FSCN3: variants seen among roughly 807,000 people sequenced by gnomAD.
FSCN3 encodes the protein fascin-3.
A neutral mutation model predicts 53.5 loss-of-function variants in FSCN3; 43 were observed. The observed-to-expected ratio is 0.80, with a 90% CI of 0.63 to 1.04. The LOEUF is 1.04. FSCN3 is among the 50% of genes least tolerant of loss of function. The pLI, the probability that FSCN3 is intolerant of heterozygous loss-of-function variation, is 0.00. For missense variants in FSCN3, 594 were observed against 646.5 expected (o/e 0.92, Z 0.88); for synonymous variants, 235 against 246.6 (o/e 0.95, Z 0.44).
chr7:127,595,842 T>A lies in FSCN3; in HGVS notation c.680T>A (p.Leu227Gln). The A allele has an allele frequency of 6.2e-7, 1 of 1,613,744 alleles. No homozygotes were observed. Among genetic ancestry groups the A allele is most frequent in the East Asian group, 2.2e-5 (1 of 44,876 alleles). ...MQVRPGGLVALCDGEGGMLYP... is the reference protein window; with the variant it reads ...MQVRPGGLVAQCDGEGGMLYP... ...GTGCGGCCTGGAGGGCTTGTGGCAC[T>A]GTGTGATGGAGAAGGAGGCATGTTA... Residue 227 changes from leucine (L) to glutamine (Q), a missense_variant, in exon 2 of 7, where the codon CTG becomes CAG. By Grantham distance (113) the Leu-to-Gln change is moderately radical. Transcript: ENST00000265825.
intron 1 of FSCN3, chr7:127,594,835 A>G (rs983388030): frequency 6.4e-6 from 3 of 472,080 alleles, no homozygotes; most frequent in South Asian, 1.5e-5. Flanking sequence ...TCCCATCTTC[A>G]TCCCTGGAGC....
Position 127,595,308 on chromosome 7 carries a change from CCTGGGAGATCTTGGT to C in FSCN3, c.147_161del (p.Trp50_Val54del). On this transcript the variant is annotated inframe_deletion and splice_region_variant, in exon 2 of 7. Transcript: ENST00000265825. ...TCTTCTCCCTCCTGATGCCTCCAGA[CCTGGGAGATCTTGGT>C]GAGCAATGAGCATGAGACACAGGCC... 1.2e-6 allele frequency: 2 copies of C among 1,607,676 alleles called. No individual in the cohort carries two copies. Among genetic ancestry groups the C allele is most frequent in the Non-Finnish European group, 1.7e-6 (2 of 1,176,090 alleles).
In FSCN3 at chr7:127,598,566, C is replaced by T; in HGVS notation, c.1092C>T (p.Ser364=). ...RGRFLGIAPN[S]LLMANVILPG... The stretch of plus-strand genomic sequence containing the variant: ...GCTTCCTGGGCATTGCACCCAACAG[C>T]CTGCTGATGGCCAATGTCATCCTTC... Residue 364 remains serine, a synonymous_variant, in exon 4 of 7, where the codon AGC becomes AGT. Transcript: ENST00000265825. 1 of 1,612,216 alleles carries T rather than the reference C, an allele frequency of 6.2e-7. No homozygotes were observed. The highest frequency in any genetic ancestry group is 1.1e-5 in the South Asian group (1 of 90,910).
chr7:127,594,437 C>T (rs1182859975), intron 1 of FSCN3: 4 of 469,382 alleles, frequency 8.5e-6, no homozygotes, highest in Admixed American at 2.4e-5. Flanking sequence ...AAGGTGAAGC[C>T]TCAGCCTTGC....
At chr7:127,598,687 C>G in intron 4 of FSCN3, 93 bp downstream of exon 4, 1 of 1,107,252 alleles carries the variant, frequency 9.0e-7, no homozygotes, top group Non-Finnish European at 1.3e-6. Flanking sequence ...CACTGAAGGC[C>G]GGGCGTGGTG....
In FSCN3 at chr7:127,597,222, A is replaced by T. The variant is rs1201078357; in HGVS notation, c.960+776A>T. 2.0e-5 allele frequency among the ~76,000 whole-genome samples: 3 copies of T among 152,348 alleles called. No homozygotes were observed. The East Asian group carries it at 5.8e-4, about 29-fold the overall frequency. ...TTTTTGTGAACATACATTTTCATTT[A>T]TCTTGGGTAAATATGTAGGAGTGGA... is the stretch of plus-strand genomic sequence containing the variant. On this transcript the variant is annotated intron_variant, in intron 3 of 6. Coordinates refer to ENST00000265825, the MANE Select transcript of FSCN3 (RefSeq NM_020369.3).
rs755675031 is a variant in FSCN3 at position 127,595,848 on chromosome 7, A to T, written c.686A>T (p.Asp229Val). The change falls in exon 2 of 7, where the codon GAT becomes GTT. Residue 229 changes from aspartate (D) to valine (V), a missense_variant. Physicochemically the swap from Asp to Val is radical, Grantham distance 152. Transcript: ENST00000265825. The stretch of plus-strand genomic sequence containing the variant: ...CCTGGAGGGCTTGTGGCACTGTGTG[A>T]TGGAGAAGGAGGCATGTTATATCCA... ...VRPGGLVALCDGEGGMLYPQG... is the reference protein window; with the variant it reads ...VRPGGLVALCVGEGGMLYPQG... The T allele has an allele frequency of 6.2e-7, 1 of 1,613,820 alleles. No individual in the cohort carries two copies. Among genetic ancestry groups the T allele is most frequent in the Non-Finnish European group, 8.5e-7 (1 of 1,179,848 alleles).
intron 4 of FSCN3, among the ~76,000 whole-genome samples, chr7:127,598,830 C>A (rs190589042): frequency 2.0e-5 from 3 of 152,068 alleles, no homozygotes; most frequent in Non-Finnish European, 4.4e-5. Flanking sequence ...CATGGTGGTG[C>A]GGGCCTGTAA....
chr7:127,595,069 T>G, intron 1 of FSCN3: 1 of 591,572 alleles, frequency 1.7e-6, no homozygotes, highest in South Asian at 2.0e-5. Context: ...CATCTAGAAC[T>G]TCTCTTTGGA....
chr7:127,595,070 T>G, intron 1 of FSCN3: 1 of 591,288 alleles, frequency 1.7e-6, no homozygotes, highest in South Asian at 2.0e-5. Context: ...ATCTAGAACT[T>G]CTCTTTGGAT....
rs748661094 is a variant in FSCN3 at position 127,595,270 on chromosome 7, A to G, written c.145-37A>G. ...GGCTCCTTGGTCTGGTAACTTCGTG[A>G]TACTGATTTCCCTCTTCTCCCTCCT... On this transcript the variant is annotated intron_variant, in intron 1 of 6. Transcript: ENST00000265825. The G allele has an allele frequency of 3.1e-5, 49 of 1,563,438 alleles. No individual in the cohort carries two copies. In the South Asian group the frequency reaches 5.6e-4, roughly 18 times the overall value.
intron 1 of FSCN3, 43 bp downstream of exon 1, chr7:127,594,040 C>A: frequency 6.2e-7 from 1 of 1,604,972 alleles, no homozygotes; most frequent in South Asian, 1.1e-5. Context: ...TCTGAGTGGC[C>A]AAGCTGTGTG....
chr7:127,595,978 TG>T lies in FSCN3; in HGVS notation c.819del (p.Arg274GlyfsTer18). 1 of 1,561,048 alleles carries T rather than the reference TG, an allele frequency of 6.4e-7. No homozygotes were observed. The highest frequency in any genetic ancestry group is 1.2e-5 in the South Asian group (1 of 82,340). On this transcript the variant is annotated frameshift_variant, in exon 2 of 7. Coordinates refer to ENST00000265825, the MANE Select transcript of FSCN3 (RefSeq NM_020369.3). LOFTEE classifies it high-confidence loss of function. ...CCTGGGTCAGCCTCAGGTCAAAGAC[TG>T]GGCGGTTCATCTCAGTCATCTACGG... ...PTWVSLRSKT[G>X]RFISVIYDGE... is the part of the protein sequence containing the mutation.
rs1312978128 is a variant in FSCN3 at position 127,600,134 on chromosome 7, C to T, written c.1292-60C>T. Reference sequence around the variant, plus strand: ...ATGCCTCCACAGAGTCCCTCCAAGGCCAGATCGCTGGAGGACTCCCCTGTG... The same window carrying T: ...ATGCCTCCACAGAGTCCCTCCAAGGTCAGATCGCTGGAGGACTCCCCTGTG... On this transcript the variant is annotated intron_variant, in intron 5 of 6. Coordinates refer to ENST00000265825, the MANE Select transcript of FSCN3 (RefSeq NM_020369.3). 5 of 916,338 alleles carry T rather than the reference C, an allele frequency of 5.5e-6. No individual in the cohort carries two copies. The African/African-American group carries it at 6.5e-5, about 12-fold the overall frequency. 56.8% of individuals were successfully genotyped at this position (916,338 alleles called of 1,614,324 possible).
chr7:127,597,715 T>C (rs1794410039), intron 3 of FSCN3, among the ~76,000 whole-genome samples: 1 of 152,162 alleles, frequency 6.6e-6, no homozygotes, highest in Non-Finnish European at 1.5e-5. Flanking sequence ...CCTGACCCCA[T>C]GATCTGCCCG....
intron 5 of FSCN3, among the ~76,000 whole-genome samples, chr7:127,599,769 C>T (rs548359992): frequency 1.3e-5 from 2 of 152,114 alleles, no homozygotes; most frequent in South Asian, 2.1e-4. Flanking sequence ...CACGGTGAAA[C>T]CCCGTCTCTA....
chr7:127,596,312 T>A lies in FSCN3; in HGVS notation c.842-16T>A, dbSNP rs370962553. 5 of 1,583,162 alleles carry A rather than the reference T, an allele frequency of 3.2e-6. No homozygotes were observed. Among genetic ancestry groups the A allele is most frequent in the Non-Finnish European group, 4.3e-6 (5 of 1,152,256 alleles). On this transcript the variant is annotated splice_polypyrimidine_tract_variant and intron_variant, in intron 2 of 6. Transcript: ENST00000265825. ...GACTGAGGGGAGGCTTTTACTGACATGCGCTTCCTCTGCAGATGGTGAGGT... is the reference window on the plus strand; with the variant it reads ...GACTGAGGGGAGGCTTTTACTGACAAGCGCTTCCTCTGCAGATGGTGAGGT...
chr7:127,594,500 G>T (rs749373679), intron 1 of FSCN3: 6 of 470,726 alleles, frequency 1.3e-5, no homozygotes, highest in South Asian at 9.3e-5. Context: ...CCAGCACAGG[G>T]TGGTTGTGTC....
At chr7:127,601,551 A>G (rs758439867) in intron 6 of FSCN3, 72 bp from the exon 7 acceptor site, 4 of 152,210 alleles carry the variant, frequency 2.6e-5, no homozygotes, top group Non-Finnish European at 4.4e-5. Context: ...CTGACCCAGT[A>G]TTCTAAAAGC....
Sources: allele counts gnomAD v4.1 joint callset (sites outside exome capture counted in the v4.1 genomes callset), GRCh38; gene constraint gnomAD v4.1.1; transcripts MANE v1.5; gene names NCBI Gene and HGNC (gene_info 2026-07-23, HGNC 2026-07-21).